Variants in TAFA1 observed in about 807,000 individuals in gnomAD.
TAFA1 encodes chemokine-like protein TAFA-1.
Under a neutral mutation model 18.5 loss-of-function variants are expected in TAFA1, and 4 were observed. The observed-to-expected ratio is 0.22, with a 90% CI of 0.11 to 0.49. The LOEUF (loss-of-function observed/expected upper bound fraction) is 0.49. Among genes scored for constraint, TAFA1 ranks in the 20% least tolerant of loss-of-function variants. The pLI is 0.98. For missense variants in TAFA1, 147 were observed against 169.0 expected (o/e 0.87, Z 0.72); for synonymous variants, 56 against 55.2 (o/e 1.01, Z -0.06).
At chr3:68,128,578 C>A (rs2065500163) in intron 2 of TAFA1, among the ~76,000 whole-genome samples, 1 of 152,184 alleles carries the variant, frequency 6.6e-6, no homozygotes, top group African/African-American at 2.4e-5. Context: ...GACTTCCCCA[C>A]CAAAACATGC....
Position 68,006,656 on chromosome 3 carries a change from C to T in TAFA1, c.30C>T (p.Val10=). The change falls in exon 2 of 5, where the codon GTC becomes GTT. Residue 10 remains valine (V), a synonymous_variant. Transcript: ENST00000478136. MAMVSAMSW[V]LYLWISACAM... is the part of the protein sequence containing the mutation. ...CAATGGTCTCTGCGATGTCCTGGGT[C>T]CTGTATTTGTGGATAAGTGCTTGTG... 1 of 1,613,892 alleles carries T rather than the reference C, an allele frequency of 6.2e-7. No individual in the cohort carries two copies. Among genetic ancestry groups the T allele is most frequent in the East Asian group, 2.2e-5 (1 of 44,876 alleles).
At chr3:68,281,308 C>T (rs1282156492) in intron 2 of TAFA1, among the ~76,000 whole-genome samples, 1 of 151,964 alleles carries the variant, frequency 6.6e-6, no homozygotes, top group Non-Finnish European at 1.5e-5. Context: ...AAAGAAAATA[C>T]TATACCATGT....
intron 2 of TAFA1, among the ~76,000 whole-genome samples, chr3:68,138,975 C>T (rs894638116): frequency 6.6e-5 from 10 of 152,136 alleles, no homozygotes; most frequent in Admixed American, 3.9e-4. Flanking sequence ...TAAGAATGAA[C>T]CAGCATATCG....
intron 2 of TAFA1, among the ~76,000 whole-genome samples, chr3:68,039,580 A>G (rs775976201): frequency 1.3e-5 from 2 of 152,188 alleles, no homozygotes; most frequent in African/African-American, 2.4e-5. Flanking sequence ...GTAGCATTTC[A>G]TCTTATAGAT....
chr3:68,530,320 T>C (rs2073171645), intron 3 of TAFA1, among the ~76,000 whole-genome samples: 1 of 152,228 alleles, frequency 6.6e-6, no homozygotes, highest in Non-Finnish European at 1.5e-5. Context: ...AGATTTCTGC[T>C]CTATTTAGGA....
intron 2 of TAFA1, among the ~76,000 whole-genome samples, chr3:68,314,592 C>T (rs530585361): frequency 1.1e-3 from 175 of 152,262 alleles, no homozygotes; most frequent in African/African-American, 3.3e-3. Context: ...TCTACACATA[C>T]GCAATATCAT....
At chr3:68,077,818 T>C (rs2064846233) in intron 2 of TAFA1, among the ~76,000 whole-genome samples, 1 of 152,014 alleles carries the variant, frequency 6.6e-6, no homozygotes, top group African/African-American at 2.4e-5. Flanking sequence ...ATATGAACTT[T>C]AAAGTAGTTT....
At position 68,519,578 on chromosome 3, in the gene TAFA1, A is replaced by G. The variant is rs142865162; in HGVS notation, c.260-19178A>G. On this transcript the variant is annotated intron_variant, in intron 3 of 4. Transcript: ENST00000478136. ...GTTCAGGCTGCTGTAACAAAGTACT[A>G]TAGACTGGGTGGGCTTATAAACAAC... Among the ~76,000 whole-genome samples, 9 of 152,366 alleles carry G rather than the reference A, an allele frequency of 5.9e-5. No individual in the cohort carries two copies. The South Asian group carries it at 1.2e-3, about 21-fold the overall frequency.
At chr3:68,258,173 G>A (rs2067335457) in intron 2 of TAFA1, among the ~76,000 whole-genome samples, 1 of 152,206 alleles carries the variant, frequency 6.6e-6, no homozygotes, top group African/African-American at 2.4e-5. Flanking sequence ...TTTGACAAAT[G>A]TGCTGTGGTT....
chr3:68,404,818 G>A (rs2070566302), intron 2 of TAFA1, among the ~76,000 whole-genome samples: 1 of 150,062 alleles, frequency 6.7e-6, no homozygotes, highest in Non-Finnish European at 1.5e-5. Flanking sequence ...AAAAAAAAAA[G>A]GATGGCTGGA....
chr3:68,529,593 C>T (rs896014560), intron 3 of TAFA1, among the ~76,000 whole-genome samples: 3 of 152,012 alleles, frequency 2.0e-5, no homozygotes, highest in African/African-American at 7.2e-5. Context: ...TTATTTGGCT[C>T]ACAGTTCTGC....
chr3:68,059,151 C>T (rs368368547), intron 2 of TAFA1, among the ~76,000 whole-genome samples: 2 of 152,010 alleles, frequency 1.3e-5, no homozygotes, highest in Non-Finnish European at 2.9e-5. Context: ...GAAGACCATA[C>T]AATTGGAGGA....
chr3:68,491,004 A>G (rs2072441782), intron 3 of TAFA1, among the ~76,000 whole-genome samples: 1 of 151,676 alleles, frequency 6.6e-6, no homozygotes, highest in Non-Finnish European at 1.5e-5. Context: ...ACACCCAGCT[A>G]AGTTTTGTAC....
rs576731505 is a variant in TAFA1 at position 68,363,562 on chromosome 3, G to C, written c.119-53718G>C. On this transcript the variant is annotated intron_variant, in intron 2 of 4. Coordinates refer to ENST00000478136, the MANE Select transcript of TAFA1 (RefSeq NM_213609.4). ...AAGCTTTTGATCTTTAGGGTATCTT[G>C]CCCTATCCAGAGAAAGCCCAAGGCA... Among the ~76,000 whole-genome samples, 5 of 152,218 alleles carry C rather than the reference G, an allele frequency of 3.3e-5. No homozygotes were observed. In the South Asian group the frequency reaches 1.0e-3, roughly 32 times the overall value.
At chr3:68,260,063 T>C (rs2067383194) in intron 2 of TAFA1, among the ~76,000 whole-genome samples, 1 of 152,224 alleles carries the variant, frequency 6.6e-6, no homozygotes, top group Non-Finnish European at 1.5e-5. Context: ...AATATGATGT[T>C]GGCTGTGGGT....
At chr3:68,115,970 A>G (rs1463460175) in intron 2 of TAFA1, among the ~76,000 whole-genome samples, 1 of 152,142 alleles carries the variant, frequency 6.6e-6, no homozygotes, top group East Asian at 1.9e-4. Context: ...AAATATGTTA[A>G]TCTGGGCTGG....
intron 2 of TAFA1, among the ~76,000 whole-genome samples, chr3:68,167,900 A>C (rs1358518775): frequency 6.6e-6 from 1 of 152,160 alleles, no homozygotes; most frequent in East Asian, 1.9e-4. Flanking sequence ...TAAATAAATA[A>C]ATAAATAATT....
At chr3:68,500,048 T>C (rs1455765073) in intron 3 of TAFA1, among the ~76,000 whole-genome samples, 2 of 152,204 alleles carry the variant, frequency 1.3e-5, no homozygotes, top group Non-Finnish European at 2.9e-5. Context: ...ATCCCATCTT[T>C]TGGTTGTGCC....
intron 2 of TAFA1, among the ~76,000 whole-genome samples, chr3:68,011,765 G>C (rs1369966827): frequency 1.3e-5 from 2 of 152,184 alleles, no homozygotes; most frequent in Non-Finnish European, 2.9e-5. Flanking sequence ...GCAAGCTGGT[G>C]CTTAGTGATA....
Sources: gnomAD v4.1 joint callset for allele counts (sites outside exome capture counted in the v4.1 genomes callset) on GRCh38, gnomAD v4.1.1 for gene constraint, MANE v1.5 for transcripts, NCBI Gene and HGNC (gene_info 2026-07-23, HGNC 2026-07-21) for gene names.